Variants in ME3 observed in about 807,000 individuals in gnomAD.
ME3 encodes the protein NADP-dependent malic enzyme, mitochondrial.
In ME3, 48 loss-of-function variants were observed where a neutral mutation model predicts 68.9. The ratio of observed to expected loss-of-function variants is 0.70; its 90% CI spans 0.55 to 0.89. The LOEUF is 0.89. Among genes scored for constraint, ME3 ranks in the 40% least tolerant of loss-of-function variants. The pLI, the probability that ME3 is intolerant of heterozygous loss-of-function variation, is 0.00. For synonymous variants in ME3, 320 were observed against 318.8 expected (o/e 1.00, Z -0.04); for missense variants, 675 against 797.4 (o/e 0.85, Z 1.85).
At chr11:86,538,543 A>G (rs990324669) in intron 4 of ME3, among the ~76,000 whole-genome samples, 18 of 151,942 alleles carry the variant, frequency 1.2e-4, no homozygotes, top group Non-Finnish European at 1.9e-4. Flanking sequence ...CAATCTGACA[A>G]TTCTTCCTCT....
chr11:86,655,374 AGCAT>A (rs1247793989), intron 2 of ME3, among the ~76,000 whole-genome samples: 1 of 152,230 alleles, frequency 6.6e-6, no homozygotes, highest in Non-Finnish European at 1.5e-5. Context: ...TAACCAAAAC[AGCAT>A]GGTACTGGTA....
chr11:86,522,562 G>A (rs1423389564), intron 4 of ME3, among the ~76,000 whole-genome samples: 3 of 151,680 alleles, frequency 2.0e-5, no homozygotes, highest in Non-Finnish European at 4.4e-5. Flanking sequence ...CCCAGTGTAT[G>A]TTATTCCCCT....
At chr11:86,444,881 A>G (rs1420091662) in intron 13 of ME3, among the ~76,000 whole-genome samples, 1 of 152,176 alleles carries the variant, frequency 6.6e-6, no homozygotes, top group African/African-American at 2.4e-5. Flanking sequence ...GTGAGCTCCT[A>G]TAGGGGAGGG....
chr11:86,495,882 A>G (rs1037858072), intron 6 of ME3, among the ~76,000 whole-genome samples: 1 of 152,188 alleles, frequency 6.6e-6, no homozygotes, highest in Non-Finnish European at 1.5e-5. Context: ...TACCTGGCTC[A>G]TCATGGTACT....
At chr11:86,612,155 A>C (rs1291604097) in intron 2 of ME3, among the ~76,000 whole-genome samples, 1 of 152,128 alleles carries the variant, frequency 6.6e-6, no homozygotes, top group Non-Finnish European at 1.5e-5. Context: ...GAGTGAGAAC[A>C]TGTGGTGTTT....
rs181372866 is a variant in ME3, at chr11:86,646,861, A to G, written c.183+24901T>C. Among the ~76,000 whole-genome samples the G allele has an allele frequency of 2.7e-3, 417 of 152,352 alleles. 1 individual carries two copies. Among genetic ancestry groups the G allele is most frequent in the South Asian group, 0.015 (73 of 4,824 alleles). ...AGACTAACAGTGGATCTCTCTGCAG[A>G]AACCCTACAAGCCAAAAGAGAGTGA... On this transcript the variant is annotated intron_variant, in intron 2 of 14. Coordinates refer to ENST00000543262, the Ensembl canonical transcript of ME3.
chr11:86,477,692 G>A (rs1258020801), intron 7 of ME3, among the ~76,000 whole-genome samples: 1 of 152,074 alleles, frequency 6.6e-6, no homozygotes, highest in Non-Finnish European at 1.5e-5. Context: ...TCCCGAGGCA[G>A]TGAGTTTCTT....
intron 8 of ME3, chr11:86,463,981 G>C (rs771586395): frequency 1.1e-4 from 30 of 269,118 alleles, no homozygotes; most frequent in Non-Finnish European, 2.0e-4. Context: ...TAAAACTGTA[G>C]AGTGCTTAGA....
chr11:86,641,990 A>G (rs921911727), intron 2 of ME3, among the ~76,000 whole-genome samples: 4 of 152,280 alleles, frequency 2.6e-5, no homozygotes, highest in Non-Finnish European at 4.4e-5. Flanking sequence ...TTTATTCCCC[A>G]GGAATCATGG....
intron 2 of ME3, among the ~76,000 whole-genome samples, chr11:86,594,135 T>C (rs1354061821): frequency 3.4e-5 from 5 of 146,762 alleles, no homozygotes; most frequent in Non-Finnish European, 7.4e-5. Flanking sequence ...TCTAGAGATA[T>C]CAACAGTTTT....
rs1419687101 is a variant in ME3 at position 86,480,137 on chromosome 11, T to C, written c.809+7200A>G. 2.0e-5 allele frequency among the ~76,000 whole-genome samples: 3 copies of C among 152,238 alleles called. No individual in the cohort carries two copies. The East Asian group carries it at 5.8e-4, about 29-fold the overall frequency. Reference sequence around the variant, plus strand: ...CCTGGCCTAGCTGATGTCTTTTATTTCTTTTGAATCTCATTACAGTGCCTA... The same window carrying C: ...CCTGGCCTAGCTGATGTCTTTTATTCCTTTTGAATCTCATTACAGTGCCTA... On this transcript the variant is annotated intron_variant, in intron 7 of 14. Transcript: ENST00000543262.
chr11:86,630,765 G>A (rs547359002), intron 2 of ME3, among the ~76,000 whole-genome samples: 2 of 152,380 alleles, frequency 1.3e-5, no homozygotes, highest in African/African-American at 4.8e-5. Flanking sequence ...CTAAGTGTGA[G>A]TAGAACATTA....
At chr11:86,548,042 G>T (rs1028248010) in intron 4 of ME3, among the ~76,000 whole-genome samples, 5 of 152,168 alleles carry the variant, frequency 3.3e-5, no homozygotes, top group Admixed American at 2.0e-4. Context: ...CTGCATTTGT[G>T]GGGGCTGCTC....
chr11:86,536,391 C>CA (rs1161896696), intron 4 of ME3, among the ~76,000 whole-genome samples: 1 of 137,688 alleles, frequency 7.3e-6, no homozygotes, highest in Non-Finnish European at 1.5e-5. Context: ...ACTCATCTGA[C>CA]AAAGGGCTAA....
chr11:86,587,803 G>C (rs988017418), intron 2 of ME3, among the ~76,000 whole-genome samples: 6 of 152,150 alleles, frequency 3.9e-5, no homozygotes, highest in African/African-American at 1.4e-4. Flanking sequence ...AACAAATTGA[G>C]TTACTTTTAG....
intron 2 of ME3, among the ~76,000 whole-genome samples, chr11:86,613,128 C>A (rs1175516499): frequency 6.6e-6 from 1 of 152,140 alleles, no homozygotes; most frequent in Non-Finnish European, 1.5e-5. Context: ...CTGCATATGG[C>A]TAGCCAGTTT....
chr11:86,566,697 G>A (rs767886456), intron 2 of ME3, among the ~76,000 whole-genome samples: 10 of 152,178 alleles, frequency 6.6e-5, no homozygotes, highest in Admixed American at 1.3e-4. Flanking sequence ...GAAGTTCCAC[G>A]GCTGTTACTT....
At chr11:86,529,281 C>T (rs567527912) in intron 4 of ME3, among the ~76,000 whole-genome samples, 4 of 152,300 alleles carry the variant, frequency 2.6e-5, no homozygotes, top group African/African-American at 9.6e-5. Flanking sequence ...TTCCTCGACA[C>T]ATACACCCTC....
At chr11:86,445,703 C>T (rs1163194431) in intron 13 of ME3, among the ~76,000 whole-genome samples, 2 of 152,050 alleles carry the variant, frequency 1.3e-5, no homozygotes, top group African/African-American at 2.4e-5. Context: ...TATAGGCTGT[C>T]ATTCTTAATG....
Sources: gnomAD v4.1 joint callset for allele counts (sites outside exome capture counted in the v4.1 genomes callset) on GRCh38, gnomAD v4.1.1 for gene constraint, MANE v1.5 for transcripts, NCBI Gene and HGNC (gene_info 2026-07-23, HGNC 2026-07-21) for gene names.